SRRM3: variants seen among roughly 807,000 people sequenced by gnomAD.
SRRM3 encodes the protein serine/arginine repetitive matrix protein 3.
In SRRM3, 27 loss-of-function variants were observed where a neutral mutation model predicts 66.2. That is an observed-to-expected ratio of 0.41 (90% CI 0.30 to 0.56). The LOEUF (loss-of-function observed/expected upper bound fraction) is 0.56, where lower values mean the gene tolerates loss of function less well. SRRM3 is among the 20% of genes least tolerant of loss of function. SRRM3 has a pLI of 0.32. For synonymous variants in SRRM3, 391 were observed against 414.9 expected (o/e 0.94, Z 0.70); for missense variants, 918 against 991.9 (o/e 0.93, Z 1.00).
chr7:76,225,175 C>A (rs970140906), intron 1 of SRRM3, among the ~76,000 whole-genome samples: 24 of 152,178 alleles, frequency 1.6e-4, no homozygotes, highest in African/African-American at 5.8e-4. Context: ...ATCACCCAGG[C>A]AGAAGTAGTG....
At chr7:76,218,298 C>G (rs1554602845) in intron 1 of SRRM3, among the ~76,000 whole-genome samples, 1 of 152,216 alleles carries the variant, frequency 6.6e-6, no homozygotes, top group African/African-American at 2.4e-5. Flanking sequence ...CCACCAAGGC[C>G]ATCTGATTTG....
In SRRM3 at chr7:76,260,748, C is replaced by T. The variant is rs541582013; in HGVS notation, c.546-126C>T. ...GCGAGTGGCCCTGGGGAGGAGGGGC[C>T]TCATCTGCCATCCCCGAATCTCTCT... On this transcript the variant is annotated intron_variant, in intron 5 of 14. Transcript: ENST00000611745. The T allele has an allele frequency of 1.8e-4, 158 of 900,300 alleles. 1 individual carries two copies. The African/African-American group carries it at 2.3e-3, about 13-fold the overall frequency. 55.8% of individuals were successfully genotyped at this position (900,300 alleles called of 1,614,324 possible).
At chr7:76,215,625 GT>G (rs143948708) in intron 1 of SRRM3, among the ~76,000 whole-genome samples, 15,056 of 119,086 alleles carry the variant, frequency 0.13, 796 homozygotes, top group African/African-American at 0.25. Flanking sequence ...GCCCAGTCTG[GT>G]TTTTTTTTTT....
rs1236024207 is a variant in SRRM3 at position 76,285,711 on chromosome 7, C to T, written c.1830C>T (p.Ser610=). 2.6e-6 allele frequency: 4 copies of T among 1,550,782 alleles called. No homozygotes were observed. The highest frequency in any genetic ancestry group is 1.7e-6 in the Non-Finnish European group (2 of 1,146,892). Residue 610 remains serine (S), a synonymous_variant, in exon 15 of 15, where the codon AGC becomes AGT. Coordinates refer to ENST00000611745, the MANE Select transcript of SRRM3 (RefSeq NM_001110199.3). This position sits in a 1 kb window ranked among gnomAD's most constrained non-coding sequence, Gnocchi z 4.1. ...ACTCGACCCGGAGCCACAGCCGCAG[C>T]CCCAGCCCCGGCCACAGCCACGGGA... ...SDYSTRSHSR[S]PSPGHSHGSY...
At chr7:76,281,015 C>G (rs1273771752) in intron 11 of SRRM3, among the ~76,000 whole-genome samples, 2 of 139,174 alleles carry the variant, frequency 1.4e-5, no homozygotes, top group African/African-American at 5.4e-5. Flanking sequence ...TTTCCTTCTC[C>G]TCCCTCTCTC....
intron 10 of SRRM3, 25 bp from the exon 11 acceptor site, chr7:76,267,233 C>G: frequency 1.3e-6 from 2 of 1,505,376 alleles, no homozygotes; most frequent in South Asian, 1.3e-5. Context: ...CCGACTCCCC[C>G]ATTCTTCCTG....
chr7:76,240,186 AAT>A (rs1243601489), intron 2 of SRRM3, among the ~76,000 whole-genome samples: 1 of 150,262 alleles, frequency 6.7e-6, no homozygotes, highest in Non-Finnish European at 1.5e-5. Context: ...TAACAATAAT[AAT>A]AATAATAATA....
intron 1 of SRRM3, among the ~76,000 whole-genome samples, chr7:76,230,732 A>T (rs193245974): frequency 8.8e-4 from 129 of 146,034 alleles, no homozygotes; most frequent in African/African-American, 3.2e-3. Context: ...AATAAATCTC[A>T]CAATAATTTC....
At position 76,248,126 on chromosome 7, in the gene SRRM3, G is replaced by A. The variant is rs1237970945; in HGVS notation, c.234-62G>A. 6 of 1,379,636 alleles carry A rather than the reference G, an allele frequency of 4.3e-6. No homozygotes were observed. In the East Asian group the frequency reaches 1.4e-4, roughly 33 times the overall value. 85.5% of individuals were successfully genotyped at this position (1,379,636 alleles called of 1,614,324 possible). On this transcript the variant is annotated intron_variant, in intron 2 of 14. Coordinates refer to ENST00000611745, the MANE Select transcript of SRRM3 (RefSeq NM_001110199.3). ...GTTGGCGGGGCTGGGCTGAGTGCGG[G>A]GCAGGAAAGAGGGAACCAAATCTGG...
intron 1 of SRRM3, among the ~76,000 whole-genome samples, chr7:76,214,197 G>T (rs1160628970): frequency 1.1e-4 from 16 of 152,068 alleles, no homozygotes; most frequent in Admixed American, 7.2e-4. Flanking sequence ...CTGGGGCTGG[G>T]TACCCTGATG....
At chr7:76,254,080 A>G (rs1801647476) in intron 3 of SRRM3, among the ~76,000 whole-genome samples, 3 of 152,024 alleles carry the variant, frequency 2.0e-5, no homozygotes, top group Admixed American at 2.0e-4. Flanking sequence ...CAGTGACACA[A>G]TCACAGCTCA....
Position 76,260,050 on chromosome 7 carries a change from G to A in SRRM3, c.464+16G>A, listed in dbSNP as rs782351806. ...GCGGGTACAGGTCAGCGGCCGCCGC[G>A]GCGGGGGTGGGGGGCGCGCGGGGCT... On this transcript the variant is annotated intron_variant, in intron 4 of 14. Transcript: ENST00000611745. The A allele has an allele frequency of 2.7e-6, 4 of 1,503,792 alleles. No homozygotes were observed. In the South Asian group the frequency reaches 3.8e-5, roughly 14 times the overall value. The allele number at this position is 1,503,792 out of a possible 1,614,324, so 93.2% of individuals were successfully genotyped here.
intron 2 of SRRM3, among the ~76,000 whole-genome samples, chr7:76,247,437 G>A (rs1055650666): frequency 1.3e-5 from 2 of 152,056 alleles, no homozygotes; most frequent in Non-Finnish European, 2.9e-5. Flanking sequence ...GGGATGTCAT[G>A]GAGGCCAGGA....
In SRRM3 at chr7:76,285,943, A is replaced by C; in HGVS notation, c.*100A>C. On this transcript the variant is annotated 3_prime_UTR_variant, in exon 15 of 15. Coordinates refer to ENST00000611745, the MANE Select transcript of SRRM3 (RefSeq NM_001110199.3). The surrounding 1 kb of genome is among the most constrained non-coding windows in gnomAD (Gnocchi z 4.1). ...AGGGGGCTATATCTCCTTGCCCCCA[A>C]GGCTACAAAGAGGTCTCAGGGCCAG... The C allele has an allele frequency of 7.7e-7, 1 of 1,307,014 alleles. No homozygotes were observed. The allele number at this position is 1,307,014 out of a possible 1,614,324, so 81.0% of individuals were successfully genotyped here. A position where few individuals can be genotyped will look rare whatever the true frequency, so the allele number is the denominator to read the frequency against.
chr7:76,261,618 C>T (rs376008807), intron 8 of SRRM3, 37 bp downstream of exon 8: 137 of 1,599,122 alleles, frequency 8.6e-5, no homozygotes, highest in Middle Eastern at 4.9e-4. Flanking sequence ...GTCAGTGGTC[C>T]CTTAAGGACC....
At chr7:76,247,453 G>A (rs1198393208) in intron 2 of SRRM3, among the ~76,000 whole-genome samples, 4 of 152,064 alleles carry the variant, frequency 2.6e-5, no homozygotes, top group Admixed American at 6.6e-5. Flanking sequence ...CAGGAAGGCA[G>A]AAAAGGCTGT....
intron 11 of SRRM3, chr7:76,269,807 G>A (rs1802167046): frequency 7.0e-6 from 1 of 143,324 alleles, no homozygotes; most frequent in African/African-American, 2.6e-5. Context: ...ATCTCTCTGG[G>A]TTTTTTTTTT....
chr7:76,260,779 C>T, intron 5 of SRRM3, 95 bp from the exon 6 acceptor site: 5 of 1,235,844 alleles, frequency 4.0e-6, no homozygotes, highest in Non-Finnish European at 4.6e-6. Context: ...TCTCTGTCCA[C>T]CCTCCCCTGT....
chr7:76,203,766 C>T (rs1447354635), intron 1 of SRRM3, among the ~76,000 whole-genome samples: 7 of 151,772 alleles, frequency 4.6e-5, no homozygotes, highest in African/African-American at 1.7e-4. Context: ...TGAAGCCACT[C>T]GCGCTGTCCT....
Sources: gnomAD v4.1 joint callset for allele counts (sites outside exome capture counted in the v4.1 genomes callset) on GRCh38, gnomAD v4.1.1 for gene constraint, Gnocchi (gnomAD v3.1) non-coding constraint, MANE v1.5 for transcripts, NCBI Gene and HGNC (gene_info 2026-07-23, HGNC 2026-07-21) for gene names.